Variants in MINK1 observed in about 807,000 individuals in gnomAD.
MINK1 encodes the protein misshapen-like kinase 1.
MINK1 carries 46 observed loss-of-function variants against 178.4 expected under a neutral mutation model. That is an observed-to-expected ratio of 0.26 (90% CI 0.20 to 0.33). The LOEUF (loss-of-function observed/expected upper bound fraction) is 0.33. Ranked by LOEUF, MINK1 falls within the 10% of genes least tolerant of loss-of-function variation. MINK1 has a pLI of 1.00. For synonymous variants in MINK1, 797 were observed against 709.7 expected, an observed-to-expected ratio of 1.12 and a Z score of -1.96; for missense variants, 1,366 against 1,814.9, an observed-to-expected ratio of 0.75 and a Z score of 4.49.
At chr17:4,847,049 C>T in intron 1 of MINK1, 2 of 399,684 alleles carry the variant, frequency 5.0e-6, no homozygotes, top group Non-Finnish European at 1.0e-5. Context: ...CTGCTACTGC[C>T]CGGATCTCCT....
In MINK1 at chr17:4,836,919, C is replaced by A. The variant is rs755380371; in HGVS notation, c.57+3279C>A. 6.6e-6 allele frequency among the ~76,000 whole-genome samples: 1 copy of A among 151,926 alleles called. No individual in the cohort carries two copies. The highest frequency in any genetic ancestry group is 1.5e-5 in the Non-Finnish European group (1 of 68,004). On this transcript the variant is annotated intron_variant, in intron 1 of 31. Transcript: ENST00000355280. The surrounding 1 kb of genome is among the most constrained non-coding windows in gnomAD (Gnocchi z 4.3). ...GTGGCCGGGTGTGGTAGCTCACGAC[C>A]GTAATCCCAGCACTTTGGGAGGCCG...
rs1969515620 is a variant in MINK1, at chr17:4,896,613, C to T, written c.3775+25C>T. On this transcript the variant is annotated intron_variant, in intron 30 of 31. Transcript: ENST00000355280. The surrounding 1 kb of genome is among the most constrained non-coding windows in gnomAD (Gnocchi z 4.6). Reference sequence around the variant, plus strand: ...GGTGAGTGAGCTGCCGCCCTCCCAGCCACATGCCCCGAGGTGGCCCCGGGG... The same window carrying T: ...GGTGAGTGAGCTGCCGCCCTCCCAGTCACATGCCCCGAGGTGGCCCCGGGG... The T allele has an allele frequency of 1.2e-6, 2 of 1,612,878 alleles. No individual in the cohort carries two copies. The highest frequency in any genetic ancestry group is 1.7e-6 in the Non-Finnish European group (2 of 1,179,236).
intron 1 of MINK1, among the ~76,000 whole-genome samples, chr17:4,850,814 C>A (rs1302169057): frequency 6.6e-6 from 1 of 152,152 alleles, no homozygotes; most frequent in East Asian, 1.9e-4. Flanking sequence ...TGAAAACCAG[C>A]AGCAAGAAGC....
chr17:4,836,117 T>A lies in MINK1; in HGVS notation c.57+2477T>A, dbSNP rs73341645. 0.029 allele frequency among the ~76,000 whole-genome samples: 4,485 copies of A among 152,266 alleles called. 218 individuals are homozygous for A. The highest frequency in any genetic ancestry group is 0.1 in the African/African-American group (4,210 of 41,534). On this transcript the variant is annotated intron_variant, in intron 1 of 31. Coordinates refer to ENST00000355280, the MANE Select transcript of MINK1 (RefSeq NM_153827.5). This position sits in a 1 kb window ranked among gnomAD's most constrained non-coding sequence, Gnocchi z 4.3. ...CTGTCAAGCAGCTAGTGTGGTCATCTCTTGTGCTATTCCTGTCTGTTTTCC... is the reference window on the plus strand; with the variant it reads ...CTGTCAAGCAGCTAGTGTGGTCATCACTTGTGCTATTCCTGTCTGTTTTCC...
Position 4,867,321 on chromosome 17 carries a change from C to T in MINK1, c.58-10996C>T, listed in dbSNP as rs557139849. On this transcript the variant is annotated intron_variant, in intron 1 of 31. Transcript: ENST00000355280. Reference sequence around the variant, plus strand: ...AGGGTTACAGGTATGAGCCACCATGCCCTACCTCTTAGGATTTTTAAAAAT... The same window carrying T: ...AGGGTTACAGGTATGAGCCACCATGTCCTACCTCTTAGGATTTTTAAAAAT... Among the ~76,000 whole-genome samples the T allele has an allele frequency of 6.0e-5, 9 of 149,406 alleles. No homozygotes were observed. The South Asian group carries it at 1.9e-3, about 32-fold the overall frequency.
At position 4,890,701 on chromosome 17, in the gene MINK1, T is replaced by C; in HGVS notation, c.1532T>C (p.Met511Thr). ...RKPLYHYGRG[M>T]NPADKPAWAR... Reference sequence around the variant, plus strand: ...CCCCTGTACCATTATGGTCGGGGCATGAATCCCGCTGACAAACCAGCCTGG... The same window carrying C: ...CCCCTGTACCATTATGGTCGGGGCACGAATCCCGCTGACAAACCAGCCTGG... Residue 511 changes from methionine (M) to threonine (T), a missense_variant, in exon 14 of 32, where the codon ATG becomes ACG. Physicochemically the swap from Met to Thr is moderately conservative, Grantham distance 81. Around this residue, in one of 14 missense-constraint regions of MINK1, gnomAD observed 709 missense variants for 692.3 expected, o/e 1.02. Transcript: ENST00000355280. 4 of 1,548,996 alleles carry C rather than the reference T, an allele frequency of 2.6e-6. No homozygotes were observed. Among genetic ancestry groups the C allele is most frequent in the Non-Finnish European group, 3.5e-6 (4 of 1,145,844 alleles).
At chr17:4,851,507 G>A (rs760927861) in intron 1 of MINK1, among the ~76,000 whole-genome samples, 6 of 152,014 alleles carry the variant, frequency 3.9e-5, no homozygotes, top group Admixed American at 1.3e-4. Flanking sequence ...GCCCCCCTGC[G>A]ATGGGGACTT....
chr17:4,890,340 T>C (rs762105568), intron 13 of MINK1, 177 bp from the exon 14 acceptor site: 8 of 1,427,498 alleles, frequency 5.6e-6, no homozygotes, highest in African/African-American at 4.3e-5. Context: ...TCTGGGAAGA[T>C]GCTTTTCAGA....
chr17:4,855,638 C>T (rs1257450609), intron 1 of MINK1, among the ~76,000 whole-genome samples: 2 of 150,634 alleles, frequency 1.3e-5, no homozygotes, highest in East Asian at 3.9e-4. Context: ...AGTGTGGTGG[C>T]AGGTGCCTGT....
In MINK1 at chr17:4,895,554, T is replaced by C. The variant is rs560623834; in HGVS notation, c.3229+61T>C. ...TCAGCTCCTTGGCGCTGTCACCATC[T>C]TCTGCCTGGGAGGAGGGCAGGCACT... On this transcript the variant is annotated intron_variant, in intron 26 of 31. Coordinates refer to ENST00000355280, the MANE Select transcript of MINK1 (RefSeq NM_153827.5). This position sits in a 1 kb window ranked among gnomAD's most constrained non-coding sequence, Gnocchi z 4.3. 5.6e-5 allele frequency: 87 copies of C among 1,551,308 alleles called. No homozygotes were observed. The highest frequency in any genetic ancestry group is 2.6e-4 in the South Asian group (21 of 81,028).
chr17:4,895,326 C>A lies in MINK1; in HGVS notation c.3086-24C>A, dbSNP rs759130409. On this transcript the variant is annotated intron_variant, in intron 25 of 31. Transcript: ENST00000355280. The surrounding 1 kb of genome is among the most constrained non-coding windows in gnomAD (Gnocchi z 4.3). ...GGTGAGGGCCTGGCTGAGCCTCTGA[C>A]CTGCCCAAGGGCTCCTGTTGCAGGG... The A allele has an allele frequency of 3.1e-6, 5 of 1,604,234 alleles. No individual in the cohort carries two copies. The highest frequency in any genetic ancestry group is 2.2e-5 in the South Asian group (2 of 89,638).
At chr17:4,855,974 CAA>C (rs60062875) in intron 1 of MINK1, among the ~76,000 whole-genome samples, 23 of 119,040 alleles carry the variant, frequency 1.9e-4, no homozygotes, top group Non-Finnish European at 1.6e-4. Context: ...GACTCTATCT[CAA>C]AAAAAAAAAA....
Position 4,883,636 on chromosome 17 carries a change from G to A in MINK1, c.307-727G>A, listed in dbSNP as rs183416854. On this transcript the variant is annotated intron_variant, in intron 4 of 31. Coordinates refer to ENST00000355280, the MANE Select transcript of MINK1 (RefSeq NM_153827.5). Reference sequence around the variant, plus strand: ...AAGCTCCGCCTTCCGGGTTCACGCCGTTCTCCTGCCTCAGCCTCCCAAGTA... The same window carrying A: ...AAGCTCCGCCTTCCGGGTTCACGCCATTCTCCTGCCTCAGCCTCCCAAGTA... Among the ~76,000 whole-genome samples, 622 of 148,814 alleles carry A rather than the reference G, an allele frequency of 4.2e-3. 3 individuals carry two copies. The highest frequency in any genetic ancestry group is 0.015 in the African/African-American group (591 of 40,282).
At chr17:4,873,188 C>A (rs1221577475) in intron 1 of MINK1, among the ~76,000 whole-genome samples, 3 of 152,246 alleles carry the variant, frequency 2.0e-5, no homozygotes, top group Non-Finnish European at 4.4e-5. Flanking sequence ...CATCCACATT[C>A]TCCCTAGATA....
intron 1 of MINK1, among the ~76,000 whole-genome samples, chr17:4,866,204 A>G (rs531680606): frequency 2.0e-5 from 3 of 152,126 alleles, no homozygotes; most frequent in Non-Finnish European, 4.4e-5. Context: ...GCGGTGGTTC[A>G]CGCCTGTAAT....
chr17:4,892,594 G>A, intron 18 of MINK1, 62 bp from the exon 19 acceptor site: 1 of 1,547,082 alleles, frequency 6.5e-7, no homozygotes. Flanking sequence ...CTGCAGTGCA[G>A]CTCAGCACCC....
In MINK1 at chr17:4,895,510, TG is replaced by T; in HGVS notation, c.3229+22del. ...CCATCTCAGGTACAGGTGTGGTGAG[TG>T]GGGGAGGGAGGAGGGGCTCAGCTCC... On this transcript the variant is annotated intron_variant, in intron 26 of 31. Coordinates refer to ENST00000355280, the MANE Select transcript of MINK1 (RefSeq NM_153827.5). The surrounding 1 kb of genome is among the most constrained non-coding windows in gnomAD (Gnocchi z 4.3). 1 of 1,559,448 alleles carries T rather than the reference TG, an allele frequency of 6.4e-7. No homozygotes were observed. The highest frequency in any genetic ancestry group is 8.7e-7 in the Non-Finnish European group (1 of 1,148,902).
Position 4,895,962 on chromosome 17 carries a change from A to T in MINK1, c.3365-41A>T, listed in dbSNP as rs1969414648. On this transcript the variant is annotated intron_variant, in intron 27 of 31. Coordinates refer to ENST00000355280, the MANE Select transcript of MINK1 (RefSeq NM_153827.5). The surrounding 1 kb of genome is among the most constrained non-coding windows in gnomAD (Gnocchi z 4.3). The stretch of plus-strand genomic sequence containing the variant: ...ACCACGGGGAGGCGCCCGTGGCGCA[A>T]GAAGGGAAGTCTCAGCATCCCTCTT... 2 of 1,571,972 alleles carry T rather than the reference A, an allele frequency of 1.3e-6. No individual in the cohort carries two copies. Among genetic ancestry groups the T allele is most frequent in the Admixed American group, 1.9e-5 (1 of 52,868 alleles).
Position 4,833,902 on chromosome 17 carries a change from A to G in MINK1, c.57+262A>G, listed in dbSNP as rs1195330402. Among the ~76,000 whole-genome samples, 1 of 151,630 alleles carries G rather than the reference A, an allele frequency of 6.6e-6. No homozygotes were observed. The highest frequency in any genetic ancestry group is 1.9e-4 in the East Asian group (1 of 5,152). On this transcript the variant is annotated intron_variant, in intron 1 of 31. Coordinates refer to ENST00000355280, the MANE Select transcript of MINK1 (RefSeq NM_153827.5). The surrounding 1 kb of genome is among the most constrained non-coding windows in gnomAD (Gnocchi z 4.8). ...CGCCCCCACACTTCCGTGCCACCCTACCTTTACTCTGGGGTTCGGGACCCA... is the reference window on the plus strand; with the variant it reads ...CGCCCCCACACTTCCGTGCCACCCTGCCTTTACTCTGGGGTTCGGGACCCA...
Sources: allele counts gnomAD v4.1 joint callset (sites outside exome capture counted in the v4.1 genomes callset), GRCh38; gene constraint gnomAD v4.1.1; regional missense constraint gnomAD v4.1.1; non-coding constraint Gnocchi (gnomAD v3.1); transcripts MANE v1.5; gene names NCBI Gene and HGNC (gene_info 2026-07-23, HGNC 2026-07-21).